Variants in PPIH observed in about 807,000 individuals in gnomAD.
PPIH encodes peptidylprolyl isomerase H, also known as peptidyl-prolyl cis-trans isomerase H.
A neutral mutation model predicts 27.6 loss-of-function variants in PPIH; 16 were observed. That is an observed-to-expected ratio of 0.58 (90% CI 0.39 to 0.88). The LOEUF is 0.88. Ranked by LOEUF, PPIH falls within the 40% of genes least tolerant of loss-of-function variation. The pLI is 0.00. For missense variants in PPIH, 155 were observed against 224.1 expected, an observed-to-expected ratio of 0.69 and a Z score of 1.97; for synonymous variants, 63 against 76.1, an observed-to-expected ratio of 0.83 and a Z score of 0.90.
intron 1 of PPIH, 93 bp downstream of exon 1, chr1:42,658,605 G>T: frequency 2.1e-6 from 3 of 1,433,626 alleles, no homozygotes; most frequent in Non-Finnish European, 2.9e-6. Flanking sequence ...GACTCGGGAA[G>T]CCAGCCAGAA....
rs199977338 is a variant in PPIH at position 42,666,550 on chromosome 1, A to G, written c.428A>G (p.Lys143Arg). Reference protein sequence around the residue: ...WLDGKHVVFGKIIDGLLVMRK... With the variant: ...WLDGKHVVFGRIIDGLLVMRK... The stretch of plus-strand genomic sequence containing the variant: ...CCAGCTCATGCTCTTCCTACAGGAA[A>G]AATCATCGATGGACTTCTAGTGATG... Residue 143 changes from lysine to arginine, a missense_variant, in exon 8 of 10, where the codon AAA (lysine) becomes AGA (arginine). By Grantham distance (26) the Lys-to-Arg change is conservative. Transcript: ENST00000304979. The G allele has an allele frequency of 6.2e-7, 1 of 1,613,944 alleles. No individual in the cohort carries two copies.
At chr1:42,663,466 G>A (rs1225782472) in intron 5 of PPIH, among the ~76,000 whole-genome samples, 1 of 151,910 alleles carries the variant, frequency 6.6e-6, no homozygotes. Flanking sequence ...GTGCGATCTT[G>A]GCTTACTGCA....
chr1:42,658,932 T>A, intron 2 of PPIH, 24 bp downstream of exon 2: 1 of 1,612,280 alleles, frequency 6.2e-7, no homozygotes, highest in Non-Finnish European at 8.5e-7. Context: ...CCAGCTCCGC[T>A]GGATTAGCTG....
Position 42,667,340 on chromosome 1 carries a change from T to A in PPIH, c.466-11T>A. On this transcript the variant is annotated splice_polypyrimidine_tract_variant and intron_variant, in intron 8 of 9. Coordinates refer to ENST00000304979, the MANE Select transcript of PPIH (RefSeq NM_006347.4). The stretch of plus-strand genomic sequence containing the variant: ...TGAGTGGATGAATCTCCATTGTGCT[T>A]TTTTTCCTAGAATGTTCCCACAGGC... 1 of 1,593,898 alleles carries A rather than the reference T, an allele frequency of 6.3e-7. No homozygotes were observed. The highest frequency in any genetic ancestry group is 8.6e-7 in the Non-Finnish European group (1 of 1,161,752).
intron 4 of PPIH, among the ~76,000 whole-genome samples, chr1:42,660,459 C>T (rs542143327): frequency 2.4e-4 from 37 of 151,962 alleles, no homozygotes; most frequent in South Asian, 1.0e-3. Context: ...AGACAGAGTC[C>T]CACTCTGTCG....
At chr1:42,666,912 C>T (rs1250909186) in intron 8 of PPIH, among the ~76,000 whole-genome samples, 7 of 152,148 alleles carry the variant, frequency 4.6e-5, no homozygotes, top group African/African-American at 1.4e-4. Flanking sequence ...GCTACTAGCT[C>T]TTCTCTAAAT....
rs1289078950 is a variant in PPIH at position 42,659,537 on chromosome 1, A to T, written c.171A>T (p.Pro57=). Residue 57 remains proline (P), a synonymous_variant, in exon 4 of 10, where the codon CCA becomes CCT. Coordinates refer to ENST00000304979, the MANE Select transcript of PPIH (RefSeq NM_006347.4). ...CTGEFRKDGV[P]IGYKGSTFHR... ...TCGGTTATAGGAAAGATGGGGTTCC[A>T]ATAGGATACAAAGGAAGCACCTTCC... 2.5e-6 allele frequency: 4 copies of T among 1,614,172 alleles called. No individual in the cohort carries two copies. The highest frequency in any genetic ancestry group is 4.5e-5 in the East Asian group (2 of 44,892).
intron 6 of PPIH, among the ~76,000 whole-genome samples, 159 bp downstream of exon 6, chr1:42,665,114 G>A (rs1649256886): frequency 6.6e-6 from 1 of 152,122 alleles, no homozygotes; most frequent in Non-Finnish European, 1.5e-5. Flanking sequence ...TGGTTTGACT[G>A]AGAAAACCAG....
At chr1:42,665,790 G>A (rs1649298627) in intron 6 of PPIH, among the ~76,000 whole-genome samples, 190 bp from the exon 7 acceptor site, 2 of 152,152 alleles carry the variant, frequency 1.3e-5, no homozygotes, top group South Asian at 2.1e-4. Flanking sequence ...GTTTGAGGCT[G>A]CAGTGAGCCA....
At chr1:42,660,793 C>A in intron 4 of PPIH, 69 bp from the exon 5 acceptor site, 1 of 1,296,140 alleles carries the variant, frequency 7.7e-7, no homozygotes. Context: ...TAATCTAATA[C>A]AATAATAACA....
At chr1:42,660,453 A>G (rs963807367) in intron 4 of PPIH, among the ~76,000 whole-genome samples, 3 of 152,154 alleles carry the variant, frequency 2.0e-5, no homozygotes, top group African/African-American at 4.8e-5. Context: ...TTTTTGAGAC[A>G]GAGTCCCACT....
chr1:42,670,864 T>C (rs527629950), intron 9 of PPIH, among the ~76,000 whole-genome samples: 2 of 152,272 alleles, frequency 1.3e-5, no homozygotes, highest in South Asian at 4.1e-4. Context: ...GGCGCCGTCT[T>C]GGCTCACTGC....
chr1:42,678,228 C>T (rs1649944768), downstream of PPIH, among the ~76,000 whole-genome samples: 1 of 152,120 alleles, frequency 6.6e-6, no homozygotes, highest in Admixed American at 6.5e-5. Context: ...TTGAGATGGG[C>T]TGGTCAGCTG....
chr1:42,659,159 C>T (rs2148707802), intron 2 of PPIH, 69 bp from the exon 3 acceptor site: 6 of 1,600,364 alleles, frequency 3.7e-6, no homozygotes, highest in Middle Eastern at 1.7e-4. Flanking sequence ...TTTATTCTTT[C>T]CCGTATTTAG....
intron 5 of PPIH, 77 bp downstream of exon 5, chr1:42,660,981 A>G (rs899369609): frequency 9.2e-6 from 12 of 1,309,328 alleles, no homozygotes; most frequent in Non-Finnish European, 1.3e-5. Context: ...TGTTTTTACT[A>G]CAGAGACCCA....
chr1:42,660,245 C>T (rs1403354778), intron 4 of PPIH, among the ~76,000 whole-genome samples: 1 of 152,196 alleles, frequency 6.6e-6, no homozygotes, highest in Non-Finnish European at 1.5e-5. Flanking sequence ...TTACATCAAA[C>T]CCTTGCTCTG....
intron 5 of PPIH, among the ~76,000 whole-genome samples, chr1:42,661,213 T>C (rs906674012): frequency 6.6e-6 from 1 of 152,152 alleles, no homozygotes; most frequent in African/African-American, 2.4e-5. Context: ...TCACACTAAT[T>C]AGTCATATGA....
chr1:42,668,366 TTCCC>T (rs1649456173), intron 9 of PPIH, among the ~76,000 whole-genome samples: 1 of 151,872 alleles, frequency 6.6e-6, no homozygotes, highest in South Asian at 2.1e-4. Context: ...CCTGCTCCTC[TTCCC>T]TCCCTCCATC....
rs748139862 is a variant in PPIH at position 42,664,908 on chromosome 1, G to A, written c.289G>A (p.Asp97Asn). The A allele has an allele frequency of 6.2e-7, 1 of 1,613,862 alleles. No homozygotes were observed. The highest frequency in any genetic ancestry group is 1.1e-5 in the South Asian group (1 of 90,984). ...CAGTATTTACCGGGGGCCATTTGCA[G>A]ATGAAAATTTTAAACTTAGACACTC... ...VASIYRGPFADENFKLRHSAP... is the reference protein window; with the variant it reads ...VASIYRGPFANENFKLRHSAP... The change falls in exon 6 of 10, where the codon GAT (aspartate) becomes AAT (asparagine). Residue 97 changes from aspartate to asparagine, a missense_variant. By Grantham distance (23) the Asp-to-Asn change is conservative (BLOSUM62 1). This residue lies in a region of PPIH where 96 missense variants were observed against 175.3 expected (regional missense o/e 0.55). Coordinates refer to ENST00000304979, the MANE Select transcript of PPIH (RefSeq NM_006347.4).
Sources: gnomAD v4.1 joint callset for allele counts (sites outside exome capture counted in the v4.1 genomes callset) on GRCh38, gnomAD v4.1.1 for gene constraint, gnomAD v4.1.1 regional missense constraint, MANE v1.5 for transcripts, NCBI Gene and HGNC (gene_info 2026-07-23, HGNC 2026-07-21) for gene names.